The following SCFD2 variants were observed in gnomAD, a reference collection of about 807,000 sequenced individuals.
SCFD2 encodes sec1 family domain containing 2, also known as sec1 family domain-containing protein 2.
In SCFD2, 54 loss-of-function variants were observed where a neutral mutation model predicts 58.9. The observed-to-expected ratio is 0.92, with a 90% CI of 0.74 to 1.15. The LOEUF is 1.15. Ranked by LOEUF, SCFD2 falls within the 50% of genes most tolerant of loss-of-function variation. The pLI, the probability that SCFD2 is intolerant of heterozygous loss-of-function variation, is 0.00. For missense variants in SCFD2, 805 were observed against 836.6 expected (o/e 0.96, Z 0.47); for synonymous variants, 321 against 335.9 (o/e 0.96, Z 0.49).
intron 8 of SCFD2, 65 bp downstream of exon 8, chr4:52,885,682 G>A (rs1718721580): frequency 1.9e-6 from 3 of 1,592,264 alleles, no homozygotes; most frequent in Non-Finnish European, 2.6e-6. Context: ...ATAGGTGGAG[G>A]GCCCTCACCC....
chr4:53,092,340 G>A (rs1260558448), intron 5 of SCFD2, among the ~76,000 whole-genome samples: 2 of 152,128 alleles, frequency 1.3e-5, no homozygotes, highest in African/African-American at 2.4e-5. Context: ...AAAATTGTTA[G>A]TTGAAATGTA....
chr4:53,258,379 C>T (rs1730714016), intron 4 of SCFD2, among the ~76,000 whole-genome samples: 1 of 151,856 alleles, frequency 6.6e-6, no homozygotes. Flanking sequence ...TTTGTGTCTT[C>T]ATAGCCTAGT....
At chr4:53,319,760 G>A (rs1409929414) in intron 2 of SCFD2, among the ~76,000 whole-genome samples, 2 of 152,126 alleles carry the variant, frequency 1.3e-5, no homozygotes, top group Non-Finnish European at 2.9e-5. Context: ...TCAAACTCCT[G>A]ACCTCAGGTG....
At position 52,887,747 on chromosome 4, in the gene SCFD2, C is replaced by T. The variant is rs868241075; in HGVS notation, c.1843-1881G>A. ...TAGTAAGTGTTCTTGCCCAACACAA[C>T]GCATCTGTGGGTCACAGGCAGTCCC... On this transcript the variant is annotated intron_variant, in intron 7 of 8. Transcript: ENST00000401642. 1.8e-4 allele frequency among the ~76,000 whole-genome samples: 27 copies of T among 152,242 alleles called. 1 individual carries two copies. The highest frequency in any genetic ancestry group is 5.8e-4 in the African/African-American group (24 of 41,538).
chr4:53,060,873 T>C (rs1723490273), intron 5 of SCFD2, among the ~76,000 whole-genome samples: 1 of 152,174 alleles, frequency 6.6e-6, no homozygotes, highest in Non-Finnish European at 1.5e-5. Context: ...TTGCTATTTA[T>C]AAAAGCATAA....
At chr4:52,932,814 C>T (rs993030257) in intron 5 of SCFD2, among the ~76,000 whole-genome samples, 4 of 152,098 alleles carry the variant, frequency 2.6e-5, no homozygotes, top group African/African-American at 9.7e-5. Flanking sequence ...TGTTGTAAAT[C>T]TCCATTGAAC....
At chr4:53,030,914 T>C (rs771848043) in intron 5 of SCFD2, among the ~76,000 whole-genome samples, 10 of 152,214 alleles carry the variant, frequency 6.6e-5, no homozygotes, top group Admixed American at 1.3e-4. Flanking sequence ...AATAAATACA[T>C]TGGTACTCCC....
intron 2 of SCFD2, among the ~76,000 whole-genome samples, chr4:53,332,012 T>G (rs1165322306): frequency 6.6e-6 from 1 of 152,174 alleles, no homozygotes; most frequent in Non-Finnish European, 1.5e-5. Flanking sequence ...ATGGATAAAT[T>G]CCTTGCCACA....
chr4:52,930,141 T>C (rs1439894267), intron 5 of SCFD2, among the ~76,000 whole-genome samples: 2 of 152,154 alleles, frequency 1.3e-5, no homozygotes, highest in African/African-American at 4.8e-5. Context: ...AGCATGGTAC[T>C]GGTACAAAGA....
chr4:52,892,750 A>T (rs1718907751), intron 7 of SCFD2, among the ~76,000 whole-genome samples: 1 of 152,058 alleles, frequency 6.6e-6, no homozygotes, highest in South Asian at 2.1e-4. Flanking sequence ...CATCTCCTTA[A>T]CAAACTGTAA....
chr4:53,114,880 T>G (rs1290137955), intron 5 of SCFD2, among the ~76,000 whole-genome samples: 1 of 152,080 alleles, frequency 6.6e-6, no homozygotes, highest in African/African-American at 2.4e-5. Context: ...ATATGAGTAA[T>G]GTTTCCATGT....
intron 5 of SCFD2, among the ~76,000 whole-genome samples, chr4:53,143,268 A>G (rs1381349401): frequency 6.6e-6 from 1 of 152,236 alleles, no homozygotes; most frequent in African/African-American, 2.4e-5. Flanking sequence ...ACCTAGGTTA[A>G]AACATGTCAT....
At position 52,947,066 on chromosome 4, in the gene SCFD2, C is replaced by A. The variant is rs376063763; in HGVS notation, c.1562-26196G>T. The stretch of plus-strand genomic sequence containing the variant: ...CTCAGCTGTCAGAGCTGAGTTGGCT[C>A]CTGCACTGTTCTTACAGGCTTTCTT... On this transcript the variant is annotated intron_variant, in intron 5 of 8. Coordinates refer to ENST00000401642, the MANE Select transcript of SCFD2 (RefSeq NM_152540.4). Among the ~76,000 whole-genome samples, 480 of 152,164 alleles carry A rather than the reference C, an allele frequency of 3.2e-3. 6 individuals are homozygous for A. Among genetic ancestry groups the A allele is most frequent in the South Asian group, 0.018 (88 of 4,794 alleles).
intron 4 of SCFD2, among the ~76,000 whole-genome samples, chr4:53,251,900 A>C (rs1730399300): frequency 6.6e-6 from 1 of 151,252 alleles, no homozygotes; most frequent in Non-Finnish European, 1.5e-5. Context: ...TAGGCAGGAG[A>C]AGGAAATAAA....
intron 4 of SCFD2, among the ~76,000 whole-genome samples, chr4:53,241,772 C>T (rs1195019388): frequency 6.6e-6 from 1 of 152,222 alleles, no homozygotes; most frequent in African/African-American, 2.4e-5. Flanking sequence ...CCTGCTGCAC[C>T]ACCATTGTTG....
intron 2 of SCFD2, among the ~76,000 whole-genome samples, chr4:53,324,733 G>A (rs182342570): frequency 1.3e-5 from 2 of 152,136 alleles, no homozygotes; most frequent in African/African-American, 4.8e-5. Context: ...GGGGTGATGA[G>A]GGCAGGGGAA....
intron 5 of SCFD2, among the ~76,000 whole-genome samples, chr4:52,973,749 C>T (rs1398661766): frequency 3.9e-5 from 6 of 152,194 alleles, no homozygotes; most frequent in Non-Finnish European, 7.3e-5. Context: ...CCCTGATGAA[C>T]ATCGATGCAA....
intron 3 of SCFD2, among the ~76,000 whole-genome samples, chr4:53,299,473 G>A (rs1732185902): frequency 6.6e-6 from 1 of 152,172 alleles, no homozygotes; most frequent in South Asian, 2.1e-4. Context: ...ATTTCTGATT[G>A]GTGTACCTGA....
chr4:52,998,698 C>T (rs573893705), intron 5 of SCFD2, among the ~76,000 whole-genome samples: 14 of 152,200 alleles, frequency 9.2e-5, no homozygotes, highest in Admixed American at 2.0e-4. Context: ...CTGGCAAGAA[C>T]GACAGAGTCA....
Sources: allele counts gnomAD v4.1 joint callset (sites outside exome capture counted in the v4.1 genomes callset), GRCh38; gene constraint gnomAD v4.1.1; transcripts MANE v1.5; gene names NCBI Gene and HGNC (gene_info 2026-07-23, HGNC 2026-07-21).